The following MSI2 variants were observed in gnomAD, a reference collection of about 807,000 sequenced individuals.
MSI2 encodes musashi RNA binding protein 2.
In MSI2, 17 loss-of-function variants were observed where a neutral mutation model predicts 45.6. The observed-to-expected ratio is 0.37, with a 90% confidence interval of 0.26 to 0.56. The LOEUF is 0.56. Ranked by LOEUF, MSI2 falls within the 20% of genes least tolerant of loss-of-function variation. The pLI is 0.77. For missense variants in MSI2, 293 were observed against 444.2 expected (o/e 0.66, Z 3.06); for synonymous variants, 156 against 158.2 (o/e 0.99, Z 0.11).
intron 5 of MSI2, among the ~76,000 whole-genome samples, chr17:57,289,582 G>T (rs139391031): frequency 2.0e-5 from 3 of 152,286 alleles, no homozygotes; most frequent in Non-Finnish European, 2.9e-5. Flanking sequence ...GAGCTGTCTG[G>T]TGGGATTGGT....
chr17:57,390,895 C>T (rs1210123500), intron 5 of MSI2, among the ~76,000 whole-genome samples: 1 of 152,168 alleles, frequency 6.6e-6, no homozygotes, highest in African/African-American at 2.4e-5. Flanking sequence ...CATGGTTTCT[C>T]AGCCTGTCTG....
At chr17:57,510,488 C>G (rs2086330584) in intron 6 of MSI2, among the ~76,000 whole-genome samples, 1 of 151,848 alleles carries the variant, frequency 6.6e-6, no homozygotes, top group African/African-American at 2.4e-5. Flanking sequence ...AGTGCAATGG[C>G]ACGATCTCGG....
At chr17:57,605,943 T>C (rs1428561085) in intron 8 of MSI2, among the ~76,000 whole-genome samples, 2 of 152,228 alleles carry the variant, frequency 1.3e-5, no homozygotes, top group African/African-American at 4.8e-5. Flanking sequence ...TGAGGTTTCT[T>C]TCCACTTTGA....
intron 6 of MSI2, among the ~76,000 whole-genome samples, chr17:57,447,593 G>A (rs1202350479): frequency 6.6e-6 from 1 of 151,956 alleles, no homozygotes; most frequent in Non-Finnish European, 1.5e-5. Flanking sequence ...CATGGGTGGG[G>A]GGGGTGTCTC....
intron 7 of MSI2, among the ~76,000 whole-genome samples, chr17:57,534,664 G>T (rs1436171617): frequency 6.6e-6 from 1 of 152,170 alleles, no homozygotes; most frequent in Non-Finnish European, 1.5e-5. Context: ...GCAGTGAGCC[G>T]AGATGGCGCC....
intron 5 of MSI2, among the ~76,000 whole-genome samples, chr17:57,292,544 C>G (rs1171816384): frequency 6.6e-6 from 1 of 152,016 alleles, no homozygotes; most frequent in Non-Finnish European, 1.5e-5. Context: ...TCCATCAGAA[C>G]CCCTCGGGGG....
chr17:57,470,950 TCTGG>T (rs533209016), intron 6 of MSI2, among the ~76,000 whole-genome samples: 1,550 of 152,308 alleles, frequency 0.01, 38 homozygotes, highest in African/African-American at 0.036. Context: ...CAGTTCCTGC[TCTGG>T]AGTGGCCACC....
chr17:57,545,663 T>C (rs2087148963), intron 7 of MSI2, among the ~76,000 whole-genome samples: 1 of 152,246 alleles, frequency 6.6e-6, no homozygotes, highest in Non-Finnish European at 1.5e-5. Flanking sequence ...AACTCTTGTC[T>C]TTAATTCCTA....
intron 11 of MSI2, among the ~76,000 whole-genome samples, chr17:57,670,430 C>A (rs766013453): frequency 2.0e-5 from 3 of 152,238 alleles, no homozygotes; most frequent in African/African-American, 7.2e-5. Flanking sequence ...TTGGGTCCAA[C>A]CCTTACAGGT....
intron 5 of MSI2, chr17:57,285,953 C>T (rs1038425645): frequency 2.0e-6 from 3 of 1,534,428 alleles, no homozygotes; most frequent in African/African-American, 2.7e-5. Context: ...TCTTTTTATT[C>T]AACATGGATG....
intron 13 of MSI2, among the ~76,000 whole-genome samples, chr17:57,677,613 C>G (rs1362161534): frequency 2.0e-5 from 3 of 152,214 alleles, no homozygotes; most frequent in Admixed American, 6.5e-5. Context: ...GAAAAGAAAA[C>G]GTTTTTGCCA....
intron 11 of MSI2, among the ~76,000 whole-genome samples, chr17:57,660,666 G>GA (rs1034365320): frequency 6.6e-6 from 1 of 152,230 alleles, no homozygotes; most frequent in Non-Finnish European, 1.5e-5. Flanking sequence ...GGAAGTCAGG[G>GA]AATGTTTCAC....
At chr17:57,520,629 T>A (rs2086563457) in intron 6 of MSI2, among the ~76,000 whole-genome samples, 1 of 152,090 alleles carries the variant, frequency 6.6e-6, no homozygotes, top group Non-Finnish European at 1.5e-5. Flanking sequence ...TTTGCCACAA[T>A]TAAGAACAAT....
intron 10 of MSI2, among the ~76,000 whole-genome samples, chr17:57,647,523 C>T (rs554404551): frequency 2.0e-5 from 3 of 152,114 alleles, no homozygotes; most frequent in African/African-American, 7.2e-5. Context: ...GACCATGGCT[C>T]CTACCTTGGA....
At chr17:57,329,829 A>C (rs968554159) in intron 5 of MSI2, among the ~76,000 whole-genome samples, 4 of 152,224 alleles carry the variant, frequency 2.6e-5, no homozygotes, top group Admixed American at 1.3e-4. Context: ...TCCTGGGAAA[A>C]ACTGCCTGTC....
chr17:57,612,987 T>A (rs1305134267), intron 8 of MSI2, among the ~76,000 whole-genome samples: 1 of 152,016 alleles, frequency 6.6e-6, no homozygotes, highest in African/African-American at 2.4e-5. Flanking sequence ...TCCTCTGGAG[T>A]CCTGAAGCCA....
chr17:57,498,884 A>T (rs1009487543), intron 6 of MSI2, among the ~76,000 whole-genome samples: 1 of 151,484 alleles, frequency 6.6e-6, no homozygotes, highest in Non-Finnish European at 1.5e-5. Context: ...CGTCATTTAC[A>T]TTAGGTATAT....
At chr17:57,337,282 G>A (rs542976760) in intron 5 of MSI2, among the ~76,000 whole-genome samples, 5 of 152,124 alleles carry the variant, frequency 3.3e-5, no homozygotes, top group Non-Finnish European at 7.4e-5. Context: ...CTTTTCCACG[G>A]CCCCACAGAG....
intron 2 of MSI2, 30 bp from the exon 3 acceptor site, chr17:57,257,436 C>A: frequency 2.6e-6 from 3 of 1,166,872 alleles, no homozygotes; most frequent in Non-Finnish European, 3.8e-6. Flanking sequence ...CTTCTCTCCC[C>A]CCCCCATCTC....
Sources: gnomAD v4.1 joint callset for allele counts (sites outside exome capture counted in the v4.1 genomes callset) on GRCh38, gnomAD v4.1.1 for gene constraint, MANE v1.5 for transcripts, NCBI Gene and HGNC (gene_info 2026-07-23, HGNC 2026-07-21) for gene names.